Variants in MYH11 observed in about 807,000 individuals in gnomAD.
MYH11 encodes myosin heavy chain 11, also known as myosin-11.
In MYH11, 80 loss-of-function variants were observed where a neutral mutation model predicts 246.6. That is an observed-to-expected ratio of 0.32 (90% CI 0.27 to 0.39). The LOEUF (loss-of-function observed/expected upper bound fraction) is 0.39, where lower values mean the gene tolerates loss of function less well. Ranked by LOEUF, MYH11 falls within the 10% of genes least tolerant of loss-of-function variation. The probability of loss-of-function intolerance (pLI) is 1.00; values close to 1 mark genes in which losing one functional copy is unlikely to be tolerated. For synonymous variants in MYH11, 1,071 were observed against 1,015.5 expected (o/e 1.05, Z -1.04); for missense variants, 2,158 against 2,546.8 (o/e 0.85, Z 3.29).
At chr16:15,707,192 A>G (rs541503223) in intron 40 of MYH11, among the ~76,000 whole-genome samples, 2 of 151,388 alleles carry the variant, frequency 1.3e-5, no homozygotes, top group African/African-American at 4.9e-5. Context: ...ACATGCCACC[A>G]CTCCTGGCTA....
chr16:15,729,550 A>G, intron 27 of MYH11, among the ~76,000 whole-genome samples: 1 of 137,012 alleles, frequency 7.3e-6, no homozygotes, highest in South Asian at 2.4e-4. Context: ...TCCAACCATA[A>G]TTTTTTTTTT....
Position 15,745,217 on chromosome 16 carries a change from TGCTGCCTCTTGGCAAAAGCCCTA to T in MYH11, c.2412-3_2431del. 6.2e-7 allele frequency: 1 copy of T among 1,613,152 alleles called. No individual in the cohort carries two copies. The highest frequency in any genetic ancestry group is 8.5e-7 in the Non-Finnish European group (1 of 1,179,500). On this transcript the variant is annotated splice_acceptor_variant and splice_polypyrimidine_tract_variant and coding_sequence_variant and intron_variant, in exon 20 of 41. Coordinates refer to ENST00000300036, the MANE Select transcript of MYH11 (RefSeq NM_002474.3). LOFTEE classifies it high-confidence loss of function. The stretch of plus-strand genomic sequence containing the variant: ...AATCACCTTCATGGCGGTCAGCTGC[TGCTGCCTCTTGGCAAAAGCCCTA>T]GGGAGGGGGGAAGAGAAGGTGCGGG...
At chr16:15,757,531 A>G (rs1343242701) in intron 13 of MYH11, among the ~76,000 whole-genome samples, 4 of 138,318 alleles carry the variant, frequency 2.9e-5, no homozygotes, top group African/African-American at 8.2e-5. Context: ...AAAAAAAAAA[A>G]AAGCAATGGC....
rs1567718725 is a variant in MYH11 at position 15,741,742 on chromosome 16, A to G, written c.2652+18T>C. ...GTCCTGTTCCCCAGCAACCCCAGCCATGCATCCATACAGGTACCTGCGAGT... is the reference window on the plus strand; with the variant it reads ...GTCCTGTTCCCCAGCAACCCCAGCCGTGCATCCATACAGGTACCTGCGAGT... On this transcript the variant is annotated intron_variant, in intron 21 of 40. Coordinates refer to ENST00000300036, the MANE Select transcript of MYH11 (RefSeq NM_002474.3). 6.2e-7 allele frequency: 1 copy of G among 1,614,120 alleles called. No individual in the cohort carries two copies. The highest frequency in any genetic ancestry group is 8.5e-7 in the Non-Finnish European group (1 of 1,180,036).
intron 2 of MYH11, among the ~76,000 whole-genome samples, chr16:15,831,143 G>A (rs544554984): frequency 6.6e-6 from 1 of 152,232 alleles, no homozygotes; most frequent in South Asian, 2.1e-4. Context: ...CTTCACTCCA[G>A]TCTGGGTGAG....
chr16:15,830,312 G>A (rs187400971), intron 2 of MYH11, among the ~76,000 whole-genome samples: 9 of 152,282 alleles, frequency 5.9e-5, no homozygotes, highest in Non-Finnish European at 7.4e-5. Context: ...AGAGACAGAC[G>A]TGGTCCACCA....
Position 15,750,765 on chromosome 16 carries a change from T to G in MYH11, c.1865-434A>C, listed in dbSNP as rs1305547393. Among the ~76,000 whole-genome samples the G allele has an allele frequency of 6.6e-6, 1 of 152,036 alleles. No homozygotes were observed. Among genetic ancestry groups the G allele is most frequent in the African/African-American group, 2.4e-5 (1 of 41,368 alleles). ...CAACAAATAGTTATTGAGGACCTTC[T>G]GTGCTCCAGGCCCTGGGGACACTGC... is the stretch of plus-strand genomic sequence containing the variant. On this transcript the variant is annotated intron_variant, in intron 15 of 40. Coordinates refer to ENST00000300036, the MANE Select transcript of MYH11 (RefSeq NM_002474.3). This position sits in a 1 kb window ranked among gnomAD's most constrained non-coding sequence, Gnocchi z 4.3.
intron 2 of MYH11, among the ~76,000 whole-genome samples, chr16:15,832,663 C>CT (rs2043771204): frequency 6.6e-6 from 1 of 152,198 alleles, no homozygotes; most frequent in Non-Finnish European, 1.5e-5. Context: ...AGTCTAGCAC[C>CT]TAGTTAGGTG....
rs2040437847 is a variant in MYH11, at chr16:15,720,939, C to T, written c.4691G>A (p.Arg1564Gln). Residue 1564 changes from arginine to glutamine, a missense_variant, in exon 33 of 41, where the codon CGG (arginine) becomes CAG (glutamine). By Grantham distance (43) the Arg-to-Gln change is conservative (BLOSUM62 1). Coordinates refer to ENST00000300036, the MANE Select transcript of MYH11 (RefSeq NM_002474.3). ...GAGCGCCTGCATGTTGACTTCCAGC[C>T]GCAGTTTGGCGTCCTCCGTGGCTTG... is the stretch of plus-strand genomic sequence containing the variant. ...ELQATEDAKL[R>Q]LEVNMQALKG... The T allele has an allele frequency of 6.2e-7, 1 of 1,614,040 alleles. No individual in the cohort carries two copies. The highest frequency in any genetic ancestry group is 8.5e-7 in the Non-Finnish European group (1 of 1,180,016).
At chr16:15,805,996 C>T (rs1176574055) in intron 3 of MYH11, among the ~76,000 whole-genome samples, 1 of 151,652 alleles carries the variant, frequency 6.6e-6, no homozygotes, top group Non-Finnish European at 1.5e-5. Context: ...AGAAGCTAGC[C>T]GGCTGGGCAC....
chr16:15,812,769 G>T (rs1422024710), intron 3 of MYH11, among the ~76,000 whole-genome samples: 1 of 151,938 alleles, frequency 6.6e-6, no homozygotes, highest in Non-Finnish European at 1.5e-5. Context: ...GCTACTTGGG[G>T]AGCTGAGGTG....
chr16:15,811,953 C>T (rs1282367221), intron 3 of MYH11, among the ~76,000 whole-genome samples: 1 of 152,122 alleles, frequency 6.6e-6, no homozygotes, highest in Non-Finnish European at 1.5e-5. Flanking sequence ...CCTCCTACAC[C>T]CCAGGGACCC....
At chr16:15,834,881 C>T (rs1430855973) in intron 2 of MYH11, among the ~76,000 whole-genome samples, 1 of 148,264 alleles carries the variant, frequency 6.7e-6, no homozygotes, top group Non-Finnish European at 1.5e-5. Flanking sequence ...CCAGCCTGGG[C>T]AATATAGTGA....
At chr16:15,799,909 T>C (rs1176723830) in intron 3 of MYH11, among the ~76,000 whole-genome samples, 2 of 151,860 alleles carry the variant, frequency 1.3e-5, no homozygotes, top group Admixed American at 6.6e-5. Flanking sequence ...GTTAGATGGA[T>C]GGATTGAGGG....
chr16:15,746,968 A>T (rs2151258988), intron 19 of MYH11, among the ~76,000 whole-genome samples: 1 of 152,076 alleles, frequency 6.6e-6, no homozygotes, highest in East Asian at 1.9e-4. Flanking sequence ...GGCGCCTCTA[A>T]TTCCAGCCAC....
chr16:15,771,496 C>A, intron 9 of MYH11, 73 bp downstream of exon 9: 1 of 1,533,322 alleles, frequency 6.5e-7, no homozygotes, highest in South Asian at 1.1e-5. Flanking sequence ...CTGTCCTGAC[C>A]AGAGAAGAGT....
intron 3 of MYH11, among the ~76,000 whole-genome samples, chr16:15,804,880 GATC>G (rs2042973800): frequency 6.6e-6 from 1 of 152,142 alleles, no homozygotes; most frequent in Non-Finnish European, 1.5e-5. Flanking sequence ...TGTACGGATG[GATC>G]ATATTTTGTT....
intron 10 of MYH11, among the ~76,000 whole-genome samples, chr16:15,761,138 T>G (rs187923738): frequency 2.0e-4 from 31 of 152,220 alleles, no homozygotes; most frequent in Middle Eastern, 3.4e-3. Context: ...GGAGACAGAG[T>G]CTCGCTCTGT....
chr16:15,721,879 A>T (rs1277913159), intron 31 of MYH11, among the ~76,000 whole-genome samples: 1 of 152,052 alleles, frequency 6.6e-6, no homozygotes, highest in Admixed American at 6.6e-5. Flanking sequence ...TTTGTTTTAG[A>T]TGGAGTCTCA....
Sources: allele counts gnomAD v4.1 joint callset (sites outside exome capture counted in the v4.1 genomes callset), GRCh38; gene constraint gnomAD v4.1.1; non-coding constraint Gnocchi (gnomAD v3.1); transcripts MANE v1.5; gene names NCBI Gene and HGNC (gene_info 2026-07-23, HGNC 2026-07-21).